Variants in BDP1 observed in about 807,000 individuals in gnomAD.
BDP1 encodes the protein BDP1 general transcription factor IIIB subunit, also known as transcription factor TFIIIB component B'' homolog.
A neutral mutation model predicts 266.6 loss-of-function variants in BDP1; 169 were observed. That is an observed-to-expected ratio of 0.63 (90% CI 0.56 to 0.72). The LOEUF is 0.72. Among genes scored for constraint, BDP1 ranks in the 30% least tolerant of loss-of-function variants. The pLI is 0.00. For synonymous variants in BDP1, 1,090 were observed against 1,022.4 expected (o/e 1.07, Z -1.26); for missense variants, 3,015 against 3,053.8 (o/e 0.99, Z 0.30).
intron 25 of BDP1, among the ~76,000 whole-genome samples, chr5:71,530,152 C>T (rs1013546317): frequency 6.6e-6 from 1 of 152,180 alleles, no homozygotes; most frequent in Non-Finnish European, 1.5e-5. Context: ...CCATCCAGTC[C>T]CAACTCTTCA....
At chr5:71,528,675 T>C (rs1002015774) in intron 25 of BDP1, among the ~76,000 whole-genome samples, 13 of 152,238 alleles carry the variant, frequency 8.5e-5, no homozygotes, top group African/African-American at 3.1e-4. Flanking sequence ...TCAGTGTTAA[T>C]AATAACCTGG....
In BDP1 at chr5:71,514,986, G is replaced by T; in HGVS notation, c.4513G>T (p.Gly1505Cys). Residue 1505 changes from glycine to cysteine, a missense_variant, in exon 20 of 39, where the codon GGT (glycine) becomes TGT (cysteine). Physicochemically the swap from Gly to Cys is radical, Grantham distance 159. Transcript: ENST00000358731. Reference sequence around the variant, plus strand: ...GATATCAAGAGAAAAAGACACATTAGGTCACAGGAATGAGGAGGCTGTGAT... The same window carrying T: ...GATATCAAGAGAAAAAGACACATTATGTCACAGGAATGAGGAGGCTGTGAT... ...LMISREKDTL[G>C]HRNEEAVILP... The T allele has an allele frequency of 6.2e-7, 1 of 1,611,436 alleles. No homozygotes were observed. The highest frequency in any genetic ancestry group is 8.5e-7 in the Non-Finnish European group (1 of 1,179,300).
intron 14 of BDP1, 143 bp from the exon 15 acceptor site, chr5:71,502,456 G>GAGCCAC (rs1261685372): frequency 1.4e-6 from 1 of 727,674 alleles, no homozygotes; most frequent in Admixed American, 3.0e-5. Flanking sequence ...TTACAGGTGC[G>GAGCCAC]AGCCACTGCG....
chr5:71,548,988 G>T (rs1742541757), intron 33 of BDP1, among the ~76,000 whole-genome samples: 1 of 152,106 alleles, frequency 6.6e-6, no homozygotes, highest in Non-Finnish European at 1.5e-5. Context: ...AGTCATGGTG[G>T]CTCACTTTGG....
At chr5:71,498,430 CT>C (rs374049356) in intron 13 of BDP1, among the ~76,000 whole-genome samples, 61 of 145,172 alleles carry the variant, frequency 4.2e-4, no homozygotes, top group Non-Finnish European at 4.0e-4. Flanking sequence ...TTCTTTATTT[CT>C]TTTTTTTTTT....
chr5:71,513,442 GTT>G (rs34587827), intron 19 of BDP1, 35 bp downstream of exon 19: 31,799 of 904,226 alleles, frequency 0.035, 1 homozygote, highest in South Asian at 0.057. Context: ...CTGTGTGGGT[GTT>G]TTTTTTTTTT....
At chr5:71,551,915 C>G (rs1308015884) in intron 34 of BDP1, among the ~76,000 whole-genome samples, 1 of 148,882 alleles carries the variant, frequency 6.7e-6, no homozygotes, top group Non-Finnish European at 1.5e-5. Flanking sequence ...GACCCCCCCA[C>G]CTCCCTCCCG....
At chr5:71,577,579 G>A in the BDP1 span, among the ~76,000 whole-genome samples, 1 of 119,326 alleles carries the variant, frequency 8.4e-6, no homozygotes, top group East Asian at 2.3e-4. Flanking sequence ...AGTATCCATG[G>A]GATCTTGTGA....
chr5:71,526,349 G>T (rs1231341468), intron 25 of BDP1, among the ~76,000 whole-genome samples: 1 of 151,806 alleles, frequency 6.6e-6, no homozygotes, highest in African/African-American at 2.4e-5. Flanking sequence ...AGGCATGGTG[G>T]CTCACGCCTA....
chr5:71,529,021 C>T (rs1187732537), intron 25 of BDP1, among the ~76,000 whole-genome samples: 1 of 152,172 alleles, frequency 6.6e-6, no homozygotes. Flanking sequence ...ATTGACAAGG[C>T]TTTCCTTAGA....
chr5:71,458,445 T>G, intron 1 of BDP1, 134 bp from the exon 2 acceptor site: 1 of 691,048 alleles, frequency 1.4e-6, no homozygotes, highest in East Asian at 2.6e-5. Context: ...ATAATTATCA[T>G]AAATCTCAAG....
chr5:71,478,722 G>A (rs982726596), intron 7 of BDP1, among the ~76,000 whole-genome samples: 1 of 151,624 alleles, frequency 6.6e-6, no homozygotes, highest in African/African-American at 2.4e-5. Flanking sequence ...TTAGTTTTGA[G>A]TTTGCTCAGC....
chr5:71,462,511 T>A (rs918705761), intron 3 of BDP1, among the ~76,000 whole-genome samples: 1 of 152,126 alleles, frequency 6.6e-6, no homozygotes, highest in Admixed American at 6.6e-5. Context: ...CCCAGCACTT[T>A]AGGAGACCAA....
At chr5:71,573,891 C>T in the BDP1 span, among the ~76,000 whole-genome samples, 1 of 152,148 alleles carries the variant, frequency 6.6e-6, no homozygotes, top group African/African-American at 2.4e-5. Flanking sequence ...TTGCAGGAAC[C>T]CTATGTACAA....
In BDP1 at chr5:71,524,441, CTAAA is replaced by C. The variant is rs1015424782; in HGVS notation, c.5772+122_5772+125del. ...TATTAGGATTTGAAGAGTTCATTCT[CTAAA>C]TAACCTCTACCAAATATAATTTGGG... On this transcript the variant is annotated intron_variant, in intron 25 of 38. Coordinates refer to ENST00000358731, the MANE Select transcript of BDP1 (RefSeq NM_018429.3). 126 of 1,087,938 alleles carry C rather than the reference CTAAA, an allele frequency of 1.2e-4. 1 individual carries two copies. The African/African-American group carries it at 1.7e-3, about 15-fold the overall frequency. 67.4% of individuals were successfully genotyped at this position (1,087,938 alleles called of 1,614,324 possible). A position where few individuals can be genotyped will look rare whatever the true frequency, so the allele number is the denominator to read the frequency against.
intron 4 of BDP1, 136 bp from the exon 5 acceptor site, chr5:71,465,960 T>C: frequency 1.2e-6 from 1 of 867,080 alleles, no homozygotes; most frequent in Non-Finnish European, 1.7e-6. Context: ...TAATAACACA[T>C]ACTGTTTTCA....
intron 30 of BDP1, 144 bp downstream of exon 30, chr5:71,542,409 A>T: frequency 1.3e-6 from 1 of 756,720 alleles, no homozygotes. Flanking sequence ...GCTATAAAAT[A>T]AATACCCATA....
intron 26 of BDP1, 47 bp from the exon 27 acceptor site, chr5:71,538,995 T>G (rs1766798244): frequency 1.6e-6 from 2 of 1,281,980 alleles, no homozygotes; most frequent in Non-Finnish European, 2.3e-6. Context: ...AAACAGAACA[T>G]GTTTGGGGAA....
chr5:71,494,786 C>T (rs1763783388), intron 11 of BDP1: 1 of 152,240 alleles, frequency 6.6e-6, no homozygotes, highest in Non-Finnish European at 1.5e-5. Flanking sequence ...TGTGATTCCA[C>T]CTCCCGGGTT....
Sources: allele counts gnomAD v4.1 joint callset (sites outside exome capture counted in the v4.1 genomes callset), GRCh38; gene constraint gnomAD v4.1.1; transcripts MANE v1.5; gene names NCBI Gene and HGNC (gene_info 2026-07-23, HGNC 2026-07-21).